GRSF1: variants seen among roughly 807,000 people sequenced by gnomAD.
GRSF1 encodes the protein G-rich RNA sequence binding factor 1, also known as G-rich sequence factor 1.
GRSF1 carries 50 observed loss-of-function variants against 51.1 expected under a neutral mutation model. The ratio of observed to expected loss-of-function variants is 0.98; its 90% CI spans 0.78 to 1.24. The LOEUF (loss-of-function observed/expected upper bound fraction) is 1.24, where lower values mean the gene tolerates loss of function less well. Ranked by LOEUF, GRSF1 falls within the 50% of genes most tolerant of loss-of-function variation. The probability of loss-of-function intolerance (pLI) is 0.00; values close to 1 mark genes in which losing one functional copy is unlikely to be tolerated. For synonymous variants in GRSF1, 293 were observed against 253.3 expected, an observed-to-expected ratio of 1.16 and a Z score of -1.49; for missense variants, 700 against 639.7, an observed-to-expected ratio of 1.09 and a Z score of -1.02.
chr4:70,828,202 GA>G (rs1733810816), intron 5 of GRSF1, among the ~76,000 whole-genome samples, 166 bp from the exon 6 acceptor site: 1 of 152,202 alleles, frequency 6.6e-6, no homozygotes, highest in African/African-American at 2.4e-5. Flanking sequence ...AGTAGCCCAT[GA>G]AAATATACAA....
At chr4:70,828,574 A>ATT (rs993978958) in intron 5 of GRSF1, among the ~76,000 whole-genome samples, 2 of 148,086 alleles carry the variant, frequency 1.4e-5, no homozygotes, top group South Asian at 2.2e-4. Context: ...TTCTGGAACA[A>ATT]TTTTTTTTTT....
chr4:70,822,216 A>C (rs1733543653), intron 9 of GRSF1, among the ~76,000 whole-genome samples: 1 of 152,190 alleles, frequency 6.6e-6, no homozygotes. Context: ...TAGGAAAAGG[A>C]AACAGTGGCA....
chr4:70,829,296 AC>A (rs1029336357), intron 5 of GRSF1, among the ~76,000 whole-genome samples: 1 of 152,000 alleles, frequency 6.6e-6, no homozygotes, highest in Non-Finnish European at 1.5e-5. Flanking sequence ...TAAAAAAAAA[AC>A]CTTTGAGCCT....
At position 70,819,720 on chromosome 4, in the gene GRSF1, G is replaced by A. The variant is rs2148832834; in HGVS notation, c.*1167C>T. 2 of 152,726 alleles carry A rather than the reference G, an allele frequency of 1.3e-5. 1 individual carries two copies. Among genetic ancestry groups the A allele is most frequent in the South Asian group, 4.1e-4 (2 of 4,822 alleles). The allele number at this position is 152,726 out of a possible 1,614,324, so 9.5% of individuals were successfully genotyped here. On this transcript the variant is annotated 3_prime_UTR_variant, in exon 10 of 10. Coordinates refer to ENST00000254799, the MANE Select transcript of GRSF1 (RefSeq NM_002092.4). ...ATCTCCTGGTGGCAGTCGTCACCCTGAGAACAGGAACAAGGCAAAGAAAGC... is the reference window on the plus strand; with the variant it reads ...ATCTCCTGGTGGCAGTCGTCACCCTAAGAACAGGAACAAGGCAAAGAAAGC...
At chr4:70,825,176 C>T (rs1189331850) in intron 8 of GRSF1, 120 bp downstream of exon 8, 7 of 649,332 alleles carry the variant, frequency 1.1e-5, no homozygotes, top group African/African-American at 1.8e-5. Flanking sequence ...GTTTAATTTA[C>T]TAGTACTAAA....
Position 70,839,591 on chromosome 4 carries a change from A to G in GRSF1, c.237T>C (p.Pro79=). 1 of 1,410,784 alleles carries G rather than the reference A, an allele frequency of 7.1e-7. No homozygotes were observed. Among genetic ancestry groups the G allele is most frequent in the Admixed American group, 2.9e-5 (1 of 34,474 alleles). The allele number at this position is 1,410,784 out of a possible 1,614,324, so 87.4% of individuals were successfully genotyped here. ...GPVPPGRLAG[P]PAVATSAAAA... is the part of the protein sequence containing the mutation. ...CCGCGGCAGAGGTGGCCACAGCGGG[A>G]GGCCCCGCCAGCCTCCCGGGAGGCA... Residue 79 remains proline (P), a synonymous_variant, in exon 1 of 10, where the codon CCT becomes CCC. Coordinates refer to ENST00000254799, the MANE Select transcript of GRSF1 (RefSeq NM_002092.4).
intron 4 of GRSF1, among the ~76,000 whole-genome samples, chr4:70,832,070 A>C (rs1733997785): frequency 6.6e-6 from 1 of 152,180 alleles, no homozygotes; most frequent in Non-Finnish European, 1.5e-5. Context: ...TATTTCCTTC[A>C]ATAGTAAAAC....
Position 70,839,490 on chromosome 4 carries a change from G to T in GRSF1, c.338C>A (p.Pro113Gln). The T allele has an allele frequency of 7.0e-7, 1 of 1,429,468 alleles. No individual in the cohort carries two copies. The highest frequency in any genetic ancestry group is 1.4e-5 in the South Asian group (1 of 71,454). 88.5% of individuals were successfully genotyped at this position (1,429,468 alleles called of 1,614,324 possible). Residue 113 changes from proline to glutamine, a missense_variant, in exon 1 of 10, where the codon CCG becomes CAG. By Grantham distance (76) the Pro-to-Gln change is moderately conservative. Transcript: ENST00000254799. ...ACGTACCTGGCTGTAGCTGCGCGTC[G>T]GGACGGCGGCCGCCGCCGCCAGCGA... is the stretch of plus-strand genomic sequence containing the variant. ...PQSLAAAAAV[P>Q]TRSYSQESKT...
At chr4:70,831,198 A>G (rs1488643041) in intron 5 of GRSF1, among the ~76,000 whole-genome samples, 1 of 152,016 alleles carries the variant, frequency 6.6e-6, no homozygotes, top group African/African-American at 2.4e-5. Context: ...TCTACTAAAA[A>G]TACAAAAAAA....
chr4:70,838,370 T>C (rs1477583325), intron 1 of GRSF1, among the ~76,000 whole-genome samples: 1 of 151,958 alleles, frequency 6.6e-6, no homozygotes, highest in Non-Finnish European at 1.5e-5. Context: ...TTACTGGAGA[T>C]GGTTTTGTTG....
intron 2 of GRSF1, among the ~76,000 whole-genome samples, chr4:70,833,900 T>C (rs1456003762): frequency 2.0e-5 from 3 of 152,174 alleles, no homozygotes; most frequent in Non-Finnish European, 4.4e-5. Flanking sequence ...AAAAAAAAGT[T>C]TGACCAGGCT....
chr4:70,834,336 A>G (rs1734107359), intron 2 of GRSF1, among the ~76,000 whole-genome samples: 1 of 152,102 alleles, frequency 6.6e-6, no homozygotes, highest in African/African-American at 2.4e-5. Flanking sequence ...AAACCCTCCA[A>G]ACATGTTATT....
At chr4:70,828,134 T>C (rs1733808117) in intron 5 of GRSF1, 98 bp from the exon 6 acceptor site, 5 of 841,696 alleles carry the variant, frequency 5.9e-6, no homozygotes, top group Non-Finnish European at 9.4e-6. Flanking sequence ...TTCCAACAGC[T>C]TATGAAACAC....
At position 70,831,638 on chromosome 4, in the gene GRSF1, T is replaced by C. The variant is rs373824099; in HGVS notation, c.851A>G (p.Tyr284Cys). Residue 284 changes from tyrosine to cysteine, a missense_variant, in exon 5 of 10, where the codon TAT (tyrosine) becomes TGT (cysteine). By Grantham distance (194) the Tyr-to-Cys change is radical. Transcript: ENST00000254799. ...NIVDITFVMD[Y>C]RGRRKTGEAY... ...TTCCCCTGTTTTTCGCCTCCCTCTA[T>C]AGTCCATCACAAAAGTAATGTCAAC... 1.7e-5 allele frequency: 27 copies of C among 1,613,468 alleles called. No individual in the cohort carries two copies. The highest frequency in any genetic ancestry group is 2.7e-5 in the African/African-American group (2 of 74,926).
At chr4:70,822,177 C>G (rs1375810127) in intron 9 of GRSF1, among the ~76,000 whole-genome samples, 2 of 151,804 alleles carry the variant, frequency 1.3e-5, no homozygotes, top group African/African-American at 4.8e-5. Context: ...AAATTATGTA[C>G]TTCCTAAGGC....
At chr4:70,833,938 C>T (rs754308556) in intron 2 of GRSF1, among the ~76,000 whole-genome samples, 2 of 152,178 alleles carry the variant, frequency 1.3e-5, no homozygotes, top group Non-Finnish European at 2.9e-5. Context: ...CTAGGATTTA[C>T]TCCTGCTCCA....
chr4:70,832,408 CTCTTCATTAAGGCATCCACA>C lies in GRSF1; in HGVS notation c.693_712del (p.Asp231GlufsTer12). On this transcript the variant is annotated frameshift_variant, in exon 4 of 10. Coordinates refer to ENST00000254799, the MANE Select transcript of GRSF1 (RefSeq NM_002092.4). LOFTEE classifies it high-confidence loss of function. ...CACAGGCGAAGATTTGACCTGCAAG[CTCTTCATTAAGGCATCCACA>C]TCTTCATTGTTTATCTCATATACTA... 6.2e-7 allele frequency: 1 copy of C among 1,610,560 alleles called. No individual in the cohort carries two copies. The highest frequency in any genetic ancestry group is 1.1e-5 in the South Asian group (1 of 91,006).
chr4:70,837,254 A>T lies in GRSF1; in HGVS notation c.358-940T>A, dbSNP rs527799022. Among the ~76,000 whole-genome samples, 23 of 152,258 alleles carry T rather than the reference A, an allele frequency of 1.5e-4. No homozygotes were observed. In the South Asian group the frequency reaches 4.8e-3, roughly 32 times the overall value. On this transcript the variant is annotated intron_variant, in intron 1 of 9. Transcript: ENST00000254799. The stretch of plus-strand genomic sequence containing the variant: ...ACTACAACCATAACCTAAGAAGACA[A>T]CTCAGGCTTTAAGACTTGCACTCTA...
chr4:70,828,242 C>T (rs1733812382), intron 5 of GRSF1, among the ~76,000 whole-genome samples: 2 of 152,162 alleles, frequency 1.3e-5, no homozygotes, highest in Admixed American at 6.5e-5. Context: ...TAAGTTTTTG[C>T]ATCAAGGTAA....
Sources: gnomAD v4.1 joint callset for allele counts (sites outside exome capture counted in the v4.1 genomes callset) on GRCh38, gnomAD v4.1.1 for gene constraint, MANE v1.5 for transcripts, NCBI Gene and HGNC (gene_info 2026-07-23, HGNC 2026-07-21) for gene names.